Variants in TRIM5 observed in about 807,000 individuals in gnomAD.
The protein encoded by TRIM5 is tripartite motif containing 5, also known as tripartite motif-containing protein 5.
A neutral mutation model predicts 35.6 loss-of-function variants in TRIM5; 31 were observed. That is an observed-to-expected ratio of 0.87 (90% CI 0.65 to 1.18). The LOEUF (loss-of-function observed/expected upper bound fraction) is 1.18, where lower values mean the gene tolerates loss of function less well. Ranked by LOEUF, TRIM5 falls within the 50% of genes most tolerant of loss-of-function variation. The pLI is 0.00. For missense variants in TRIM5, 609 were observed against 591.6 expected (o/e 1.03, Z -0.31); for synonymous variants, 243 against 215.6 (o/e 1.13, Z -1.11).
Position 5,663,811 on chromosome 11 carries a change from T to C in TRIM5, c.*998A>G, listed in dbSNP as rs1170531373. 6.4e-6 allele frequency: 1 copy of C among 156,052 alleles called. No individual in the cohort carries two copies. Among genetic ancestry groups the C allele is most frequent in the East Asian group, 1.9e-4 (1 of 5,220 alleles). 9.7% of individuals were successfully genotyped at this position (156,052 alleles called of 1,614,324 possible). On this transcript the variant is annotated 3_prime_UTR_variant, in exon 8 of 8. Coordinates refer to ENST00000380034, the MANE Select transcript of TRIM5 (RefSeq NM_033034.3). The stretch of plus-strand genomic sequence containing the variant: ...CCTCTCTTCTAGCTATTTCAAAATA[T>C]ATGCAATAGGTTATTGTTAACTCTA...
At chr11:5,615,848 C>G in the TRIM5 span, among the ~76,000 whole-genome samples, 1 of 151,936 alleles carries the variant, frequency 6.6e-6, no homozygotes, top group Non-Finnish European at 1.5e-5. Context: ...CCGCCTCGGC[C>G]TCCCAAAGTG....
the TRIM5 span, among the ~76,000 whole-genome samples, chr11:5,646,092 ATG>A: frequency 2.2e-5 from 3 of 135,042 alleles, no homozygotes; most frequent in African/African-American, 5.6e-5. Context: ...TTTAATATAC[ATG>A]TATATTATAT....
chr11:5,646,936 TAAAA>T, the TRIM5 span, among the ~76,000 whole-genome samples: 14 of 152,222 alleles, frequency 9.2e-5, no homozygotes, highest in Admixed American at 2.0e-4. Context: ...TAATGGATTT[TAAAA>T]AAAACAAACA....
the TRIM5 span, chr11:5,632,631 T>G: frequency 5.0e-6 from 8 of 1,613,264 alleles, no homozygotes; most frequent in Non-Finnish European, 5.9e-6. Flanking sequence ...GTGATCATCA[T>G]GGAGAGAAAC....
the TRIM5 span, chr11:5,610,976 G>C: frequency 1.2e-6 from 2 of 1,614,110 alleles, no homozygotes; most frequent in East Asian, 4.5e-5. Flanking sequence ...AGACTGCCTG[G>C]ATCCTGGGGG....
Position 5,664,361 on chromosome 11 carries a change from T to A in TRIM5, c.*448A>T, listed in dbSNP as rs1850968980. ...CTTAAGAGTATACCATTTATGATAT[T>A]TTCTCTTTAACTCACAAATAAGGGC... On this transcript the variant is annotated 3_prime_UTR_variant, in exon 8 of 8. Coordinates refer to ENST00000380034, the MANE Select transcript of TRIM5 (RefSeq NM_033034.3). 1.0e-6 allele frequency: 1 copy of A among 992,838 alleles called. No homozygotes were observed. Among genetic ancestry groups the A allele is most frequent in the Non-Finnish European group, 1.2e-6 (1 of 834,292 alleles). 61.5% of individuals were successfully genotyped at this position (992,838 alleles called of 1,614,324 possible). A position where few individuals can be genotyped will look rare whatever the true frequency, so the allele number is the denominator to read the frequency against.
At chr11:5,608,269 T>C in the TRIM5 span, 3 of 1,533,436 alleles carry the variant, frequency 2.0e-6, no homozygotes, top group Non-Finnish European at 2.6e-6. Context: ...ATTAGGATTA[T>C]CTTTATTTGT....
the TRIM5 span, chr11:5,604,428 C>A: frequency 3.9e-6 from 5 of 1,272,314 alleles, no homozygotes; most frequent in Non-Finnish European, 5.3e-6. Context: ...TAGGTTAGGA[C>A]AGGCTTCTTT....
chr11:5,643,089 T>C, the TRIM5 span: 13 of 1,266,502 alleles, frequency 1.0e-5, no homozygotes, highest in Non-Finnish European at 1.3e-5. Context: ...ATCATATATA[T>C]CACACAGATG....
At chr11:5,674,582 C>T (rs577143199) in intron 4 of TRIM5, among the ~76,000 whole-genome samples, 7 of 152,348 alleles carry the variant, frequency 4.6e-5, no homozygotes, top group African/African-American at 1.7e-4. Context: ...AGACACCAGA[C>T]TCCAGACTGG....
rs57118932 is a variant in TRIM5, at chr11:5,666,874, C to T, written c.768-793G>A. Among the ~76,000 whole-genome samples, 854 of 152,060 alleles carry T rather than the reference C, an allele frequency of 5.6e-3. 12 individuals carry two copies. The highest frequency in any genetic ancestry group is 0.019 in the African/African-American group (790 of 41,474). ...AGAATATTATTTTGAAATATTATTCCGGAAATAAACATCTGATTTTGGAAA... is the reference window on the plus strand; with the variant it reads ...AGAATATTATTTTGAAATATTATTCTGGAAATAAACATCTGATTTTGGAAA... On this transcript the variant is annotated intron_variant, in intron 5 of 7. Transcript: ENST00000380034.
the TRIM5 span, among the ~76,000 whole-genome samples, chr11:5,592,807 CT>C: frequency 6.7e-6 from 1 of 149,520 alleles, no homozygotes; most frequent in Non-Finnish European, 1.5e-5. Flanking sequence ...GTCTCAGCTA[CT>C]TGAGAGGCTG....
the TRIM5 span, among the ~76,000 whole-genome samples, chr11:5,616,158 G>A: frequency 1.4e-5 from 2 of 145,600 alleles, no homozygotes; most frequent in Non-Finnish European, 3.0e-5. Flanking sequence ...TCACCGTGTT[G>A]GCCAGGATGG....
the TRIM5 span, among the ~76,000 whole-genome samples, chr11:5,633,039 C>A: frequency 6.8e-6 from 1 of 147,178 alleles, no homozygotes; most frequent in Admixed American, 6.8e-5. Context: ...GGGATTTCAC[C>A]ATCTTGGCCA....
chr11:5,664,740 G>A lies in TRIM5; in HGVS notation c.*69C>T. The A allele has an allele frequency of 6.7e-7, 1 of 1,499,236 alleles. No individual in the cohort carries two copies. 92.9% of individuals were successfully genotyped at this position (1,499,236 alleles called of 1,614,324 possible). ...AAAAGATGGTTAAAATGATGCAAATGAGTTCAGGTGTATGAGATGCACCTG... is the reference window on the plus strand; with the variant it reads ...AAAAGATGGTTAAAATGATGCAAATAAGTTCAGGTGTATGAGATGCACCTG... On this transcript the variant is annotated 3_prime_UTR_variant, in exon 8 of 8. Coordinates refer to ENST00000380034, the MANE Select transcript of TRIM5 (RefSeq NM_033034.3).
At chr11:5,621,369 T>A in the TRIM5 span, among the ~76,000 whole-genome samples, 1 of 152,378 alleles carries the variant, frequency 6.6e-6, no homozygotes, top group South Asian at 2.1e-4. Flanking sequence ...TCTGCCTGTG[T>A]AAACAAGCCT....
At chr11:5,675,178 G>A (rs10742768) in intron 4 of TRIM5, among the ~76,000 whole-genome samples, 81,316 of 150,796 alleles carry the variant, frequency 0.54, 24,679 homozygotes, top group Non-Finnish European at 0.69. Context: ...ACAGGTGCCC[G>A]CCACCACGCC....
At chr11:5,668,991 A>G (rs1851353078) in intron 4 of TRIM5, among the ~76,000 whole-genome samples, 2 of 151,950 alleles carry the variant, frequency 1.3e-5, no homozygotes, top group South Asian at 2.1e-4. Flanking sequence ...CACATTGTCC[A>G]TAATATTACT....
the TRIM5 span, among the ~76,000 whole-genome samples, chr11:5,657,900 G>A: frequency 8.0e-5 from 12 of 150,688 alleles, no homozygotes; most frequent in Non-Finnish European, 2.9e-5. Flanking sequence ...ACAGGCCTGA[G>A]CCACCATGTC....
Sources: gnomAD v4.1 joint callset for allele counts (sites outside exome capture counted in the v4.1 genomes callset) on GRCh38, gnomAD v4.1.1 for gene constraint, MANE v1.5 for transcripts, NCBI Gene and HGNC (gene_info 2026-07-23, HGNC 2026-07-21) for gene names.